Variants in EPHA6 observed in about 807,000 individuals in gnomAD.
EPHA6 encodes the protein ephrin type-A receptor 6.
In EPHA6, 50 loss-of-function variants were observed where a neutral mutation model predicts 112.0. That is an observed-to-expected ratio of 0.45 (90% CI 0.36 to 0.56). The LOEUF (loss-of-function observed/expected upper bound fraction) is 0.56, where lower values mean the gene tolerates loss of function less well. Ranked by LOEUF, EPHA6 falls within the 20% of genes least tolerant of loss-of-function variation. EPHA6 has a pLI of 0.00. For missense variants in EPHA6, 1,280 were observed against 1,417.4 expected (o/e 0.90, Z 1.56); for synonymous variants, 529 against 490.7 (o/e 1.08, Z -1.03).
intron 2 of EPHA6, among the ~76,000 whole-genome samples, chr3:96,930,217 G>C (rs2040241485): frequency 6.6e-6 from 1 of 152,146 alleles, no homozygotes; most frequent in Non-Finnish European, 1.5e-5. Context: ...GGCTATTTCT[G>C]TCATTTCAGC....
At position 97,538,076 on chromosome 3, in the gene EPHA6, A is replaced by C. The variant is rs144938971; in HGVS notation, c.2386+5533A>C. On this transcript the variant is annotated intron_variant, in intron 11 of 17. Transcript: ENST00000389672. ...CTAGTTACATACTTTTGTTTTAAGA[A>C]AGAATTTGGCATGTTAGAGGAGCAC... is the stretch of plus-strand genomic sequence containing the variant. Among the ~76,000 whole-genome samples the C allele has an allele frequency of 2.8e-4, 43 of 152,300 alleles. No homozygotes were observed. The East Asian group carries it at 8.1e-3, about 29-fold the overall frequency.
At chr3:97,228,408 TATG>T (rs976795730) in intron 4 of EPHA6, among the ~76,000 whole-genome samples, 4 of 152,098 alleles carry the variant, frequency 2.6e-5, no homozygotes, top group African/African-American at 9.7e-5. Context: ...TGTGAGAACA[TATG>T]ATGTTTGGTT....
In EPHA6 at chr3:97,729,205, C is replaced by T. The variant is rs78907352; in HGVS notation, c.2935-6720C>T. 1.3e-3 allele frequency among the ~76,000 whole-genome samples: 197 copies of T among 151,974 alleles called. 1 individual carries two copies. The highest frequency in any genetic ancestry group is 4.7e-3 in the African/African-American group (193 of 41,460). ...TTCTATAATTCTTTTTATTAGTATA[C>T]CTAATTTCATTTGGCATTTGATTGC... On this transcript the variant is annotated intron_variant, in intron 15 of 17. Coordinates refer to ENST00000389672, the MANE Select transcript of EPHA6 (RefSeq NM_001080448.3).
chr3:97,015,670 C>A (rs1027731519), intron 3 of EPHA6, among the ~76,000 whole-genome samples: 1 of 151,942 alleles, frequency 6.6e-6, no homozygotes, highest in Non-Finnish European at 1.5e-5. Flanking sequence ...ACAAATATAA[C>A]AGAGTGGAAG....
intron 5 of EPHA6, among the ~76,000 whole-genome samples, chr3:97,282,101 TA>T (rs2108664462): frequency 6.6e-6 from 1 of 152,330 alleles, no homozygotes; most frequent in Non-Finnish European, 1.5e-5. Flanking sequence ...CATTGCCCTT[TA>T]AAATTACATT....
intron 2 of EPHA6, among the ~76,000 whole-genome samples, chr3:96,874,625 G>A (rs1176638914): frequency 6.6e-6 from 1 of 152,064 alleles, no homozygotes; most frequent in African/African-American, 2.4e-5. Context: ...GTGACACGGT[G>A]CCCTACTCCC....
At chr3:96,972,373 A>G (rs1159081190) in intron 2 of EPHA6, among the ~76,000 whole-genome samples, 1 of 151,942 alleles carries the variant, frequency 6.6e-6, no homozygotes, top group Non-Finnish European at 1.5e-5. Flanking sequence ...ATTAACAAAA[A>G]TCAATACAGA....
intron 11 of EPHA6, among the ~76,000 whole-genome samples, chr3:97,581,549 A>G (rs9859080): frequency 0.018 from 2,764 of 152,368 alleles, 106 homozygotes; most frequent in African/African-American, 0.063. Context: ...AATTTTACAC[A>G]TGATAGAGAG....
At chr3:97,323,460 A>T (rs1329107148) in intron 5 of EPHA6, among the ~76,000 whole-genome samples, 1 of 151,908 alleles carries the variant, frequency 6.6e-6, no homozygotes, top group African/African-American at 2.4e-5. Flanking sequence ...ATTAGGGGGG[A>T]TGGGTGGATA....
In EPHA6 at chr3:97,719,569, T is replaced by C. The variant is rs368701369; in HGVS notation, c.2785-692T>C. On this transcript the variant is annotated intron_variant, in intron 14 of 17. Coordinates refer to ENST00000389672, the MANE Select transcript of EPHA6 (RefSeq NM_001080448.3). ...AAATGTTAATAAAATTTAAGTGTAA[T>C]ACAATGGCAGACTTTAATTCTTGAA... 9.2e-5 allele frequency among the ~76,000 whole-genome samples: 14 copies of C among 152,342 alleles called. No individual in the cohort carries two copies. In the South Asian group the frequency reaches 2.7e-3, roughly 29 times the overall value.
chr3:96,915,772 A>G (rs2039454027), intron 2 of EPHA6, among the ~76,000 whole-genome samples: 2 of 152,088 alleles, frequency 1.3e-5, no homozygotes, highest in African/African-American at 4.8e-5. Context: ...TACTGTGCTC[A>G]TTGTTCCAGG....
At chr3:97,572,655 A>G (rs902043966) in intron 11 of EPHA6, 1 of 152,148 alleles carries the variant, frequency 6.6e-6, no homozygotes, top group Admixed American at 6.5e-5. Context: ...GTATACAAGT[A>G]TAACATATTT....
At chr3:97,663,652 A>G (rs1169710016) in intron 14 of EPHA6, among the ~76,000 whole-genome samples, 1 of 152,132 alleles carries the variant, frequency 6.6e-6, no homozygotes, top group East Asian at 1.9e-4. Flanking sequence ...TGTCCCTACA[A>G]AGGACATGAA....
At chr3:97,662,142 G>A (rs1442858402) in intron 14 of EPHA6, among the ~76,000 whole-genome samples, 1 of 152,074 alleles carries the variant, frequency 6.6e-6, no homozygotes, top group African/African-American at 2.4e-5. Flanking sequence ...GGAAAAAAGA[G>A]AAAAGAGAAA....
chr3:96,830,153 A>G (rs1576079676), intron 1 of EPHA6, among the ~76,000 whole-genome samples: 1 of 152,118 alleles, frequency 6.6e-6, no homozygotes, highest in African/African-American at 2.4e-5. Flanking sequence ...GTCATATTAC[A>G]TTAAGTATTC....
At chr3:97,449,889 T>C (rs900413008) in intron 7 of EPHA6, among the ~76,000 whole-genome samples, 1 of 152,236 alleles carries the variant, frequency 6.6e-6, no homozygotes, top group African/African-American at 2.4e-5. Context: ...TCAGATTCTA[T>C]GACAGAAGGA....
chr3:97,084,095 T>C (rs1174066138), intron 3 of EPHA6, among the ~76,000 whole-genome samples: 4 of 78,774 alleles, frequency 5.1e-5, no homozygotes, highest in South Asian at 4.1e-4. Flanking sequence ...TGTGTGTGTG[T>C]GCATGGATAT....
chr3:97,252,727 AG>A (rs1457459578), intron 5 of EPHA6, among the ~76,000 whole-genome samples: 1 of 152,230 alleles, frequency 6.6e-6, no homozygotes, highest in Non-Finnish European at 1.5e-5. Flanking sequence ...CCTAGAGCCC[AG>A]GCAACCATTG....
chr3:97,756,116 T>G lies in EPHA6; in HGVS notation c.*7415T>G, dbSNP rs2036019282. Among the ~76,000 whole-genome samples the G allele has an allele frequency of 6.6e-6, 1 of 152,044 alleles. No individual in the cohort carries two copies. The highest frequency in any genetic ancestry group is 1.5e-5 in the Non-Finnish European group (1 of 67,888). On this transcript the variant is annotated 3_prime_UTR_variant, in exon 18 of 18. Coordinates refer to ENST00000389672, the MANE Select transcript of EPHA6 (RefSeq NM_001080448.3). ...TTAGTTTATTTTTCAAAGTAGTAAC[T>G]TTTGCTATCTTTAGAATTCTCATCT...
Sources: allele counts gnomAD v4.1 joint callset (sites outside exome capture counted in the v4.1 genomes callset), GRCh38; gene constraint gnomAD v4.1.1; transcripts MANE v1.5; gene names NCBI Gene and HGNC (gene_info 2026-07-23, HGNC 2026-07-21).